The following GRIA3 variants were observed in gnomAD, a reference collection of about 807,000 sequenced individuals.
The protein encoded by GRIA3 is glutamate receptor 3.
GRIA3 carries 3 observed loss-of-function variants against 63.0 expected under a neutral mutation model. That is an observed-to-expected ratio of 0.05 (90% CI 0.02 to 0.12). The LOEUF (loss-of-function observed/expected upper bound fraction) is 0.12. Among genes scored for constraint, GRIA3 ranks in the 10% least tolerant of loss-of-function variants. GRIA3 has a pLI of 1.00. For synonymous variants in GRIA3, 274 were observed against 257.9 expected (o/e 1.06, Z -0.60); for missense variants, 347 against 700.9 (o/e 0.50, Z 5.70).
intron 7 of GRIA3, among the ~76,000 whole-genome samples, chrX:123,399,458 A>G (rs1370121378): frequency 1.8e-5 from 2 of 112,188 alleles, no homozygotes; most frequent in Non-Finnish European, 1.9e-5. Context: ...TGTTTTTAGT[A>G]TTTGCTGGGT....
chrX:123,213,368 T>G (rs1033584014), intron 2 of GRIA3, among the ~76,000 whole-genome samples: 2 of 112,395 alleles, frequency 1.8e-5, no homozygotes, highest in African/African-American at 6.5e-5. Context: ...TTACATAAGT[T>G]GCCTTATTTA....
chrX:123,248,259 G>C (rs1039990170), intron 2 of GRIA3, among the ~76,000 whole-genome samples: 1 of 112,250 alleles, frequency 8.9e-6, no homozygotes, highest in East Asian at 2.8e-4. Flanking sequence ...TTCAACCTAT[G>C]TGGTCTAACT....
chrX:123,201,678 C>G (rs1050283896), intron 2 of GRIA3, among the ~76,000 whole-genome samples: 1 of 104,879 alleles, frequency 9.5e-6, no homozygotes, highest in Non-Finnish European at 2.0e-5. Context: ...ACTGCAGATC[C>G]TTGTTTGTTG....
chrX:123,296,398 G>A (rs1247165845), intron 3 of GRIA3, among the ~76,000 whole-genome samples: 3 of 110,637 alleles, frequency 2.7e-5, no homozygotes, highest in Non-Finnish European at 5.7e-5. Context: ...AATCAAACTT[G>A]TTCTTCTTCC....
intron 3 of GRIA3, among the ~76,000 whole-genome samples, chrX:123,264,843 C>T (rs1219540573): frequency 1.8e-5 from 2 of 111,807 alleles, no homozygotes; most frequent in African/African-American, 3.3e-5. Flanking sequence ...CAAGAACACT[C>T]TGTTATGAGA....
intron 12 of GRIA3, among the ~76,000 whole-genome samples, chrX:123,450,990 T>C (rs889603524): frequency 4.5e-5 from 5 of 112,055 alleles, no homozygotes; most frequent in African/African-American, 1.6e-4. Context: ...AGAAGGTCCA[T>C]GTGCTAGAGT....
chrX:123,187,884 T>C (rs1226286593), intron 2 of GRIA3, among the ~76,000 whole-genome samples: 2 of 111,508 alleles, frequency 1.8e-5, no homozygotes, highest in African/African-American at 6.5e-5. Flanking sequence ...GTCATCCATA[T>C]TGGTATTGAG....
intron 2 of GRIA3, among the ~76,000 whole-genome samples, chrX:123,227,038 C>T (rs1287144915): frequency 9.0e-6 from 1 of 111,490 alleles, no homozygotes; most frequent in Non-Finnish European, 1.9e-5. Flanking sequence ...TTACCTTTGT[C>T]TCTCAAATTT....
intron 12 of GRIA3, among the ~76,000 whole-genome samples, chrX:123,455,673 G>A (rs1471395215): frequency 8.9e-6 from 1 of 111,868 alleles, no homozygotes; most frequent in Non-Finnish European, 1.9e-5. Context: ...TTAGTGAGAG[G>A]GGATTTGGAG....
At chrX:123,260,467 A>G (rs2044449373) in intron 3 of GRIA3, among the ~76,000 whole-genome samples, 2 of 5,638 alleles carry the variant, frequency 3.5e-4, no homozygotes, top group African/African-American at 9.2e-4. Flanking sequence ...AAAGGAAGGA[A>G]GAAGAAAGGA....
chrX:123,399,974 T>C (rs1162279453), intron 7 of GRIA3, among the ~76,000 whole-genome samples: 2 of 111,773 alleles, frequency 1.8e-5, no homozygotes, highest in African/African-American at 6.5e-5. Flanking sequence ...TGTACAATTT[T>C]GAAGAGCAGT....
chrX:123,387,457 T>C (rs1047570767), intron 5 of GRIA3, among the ~76,000 whole-genome samples: 1 of 111,689 alleles, frequency 9.0e-6, no homozygotes, highest in South Asian at 3.9e-4. Context: ...TGGGTACGAC[T>C]TCCAGTAATA....
chrX:123,272,270 C>T (rs1426082274), intron 3 of GRIA3, among the ~76,000 whole-genome samples: 2 of 111,926 alleles, frequency 1.8e-5, no homozygotes, highest in African/African-American at 6.5e-5. Context: ...CAAAACTGCT[C>T]TGTTCCCTTT....
chrX:123,336,862 A>G (rs2044977763), intron 4 of GRIA3, among the ~76,000 whole-genome samples: 1 of 111,665 alleles, frequency 9.0e-6, no homozygotes, highest in African/African-American at 3.3e-5. Flanking sequence ...CTGGGATGAC[A>G]TTAGGATGAA....
chrX:123,239,514 G>A (rs1386109896), intron 2 of GRIA3, among the ~76,000 whole-genome samples: 1 of 106,174 alleles, frequency 9.4e-6, no homozygotes, highest in Non-Finnish European at 2.0e-5. Flanking sequence ...CATCTTTCTA[G>A]GGACCCTCAA....
chrX:123,393,743 T>C (rs770934840), intron 5 of GRIA3, among the ~76,000 whole-genome samples: 1 of 112,366 alleles, frequency 8.9e-6, no homozygotes, highest in Admixed American at 9.4e-5. Context: ...TCTATTTTTC[T>C]GTATGTTTGA....
chrX:123,375,005 T>G (rs1429101571), intron 5 of GRIA3, among the ~76,000 whole-genome samples: 6 of 111,723 alleles, frequency 5.4e-5, no homozygotes, highest in Non-Finnish European at 1.1e-4. Context: ...ATCCTTGTCA[T>G]GTTCTAAGTC....
At chrX:123,276,810 A>G (rs2067126914) in intron 3 of GRIA3, among the ~76,000 whole-genome samples, 1 of 111,626 alleles carries the variant, frequency 9.0e-6, no homozygotes. Context: ...CTGCCTCTAG[A>G]GCTGTACCTC....
chrX:123,218,158 G>A (rs538666506), intron 2 of GRIA3, among the ~76,000 whole-genome samples: 22 of 112,396 alleles, frequency 2.0e-4, no homozygotes, highest in African/African-American at 6.5e-4. Flanking sequence ...CATGGCATCA[G>A]CTTGTATGCC....
Sources: gnomAD v4.1 joint callset for allele counts (sites outside exome capture counted in the v4.1 genomes callset) on GRCh38, gnomAD v4.1.1 for gene constraint, MANE v1.5 for transcripts, NCBI Gene and HGNC (gene_info 2026-07-23, HGNC 2026-07-21) for gene names.